Variants in MRPL35 observed in about 807,000 individuals in gnomAD.
MRPL35 encodes the protein large ribosomal subunit protein bL35m.
A neutral mutation model predicts 21.6 loss-of-function variants in MRPL35; 18 were observed. The observed-to-expected ratio is 0.83, with a 90% confidence interval of 0.58 to 1.24. The LOEUF is 1.24. Ranked by LOEUF, MRPL35 falls within the 50% of genes most tolerant of loss-of-function variation. The pLI, the probability that MRPL35 is intolerant of heterozygous loss-of-function variation, is 0.00. For missense variants in MRPL35, 223 were observed against 223.2 expected (o/e 1.00, Z 0.01); for synonymous variants, 87 against 86.9 (o/e 1.00, Z -0.01).
In MRPL35 at chr2:86,213,077, C is replaced by T; in HGVS notation, c.*2409C>T. 1 of 979,946 alleles carries T rather than the reference C, an allele frequency of 1.0e-6. No individual in the cohort carries two copies. Among genetic ancestry groups the T allele is most frequent in the Non-Finnish European group, 1.2e-6 (1 of 825,002 alleles). The allele number at this position is 979,946 out of a possible 1,614,324, so 60.7% of individuals were successfully genotyped here. A position where few individuals can be genotyped will look rare whatever the true frequency, so the allele number is the denominator to read the frequency against. On this transcript the variant is annotated 3_prime_UTR_variant, in exon 4 of 4. Coordinates refer to ENST00000337109, the MANE Select transcript of MRPL35 (RefSeq NM_016622.4). Reference sequence around the variant, plus strand: ...GCTGAGAGAGGGTTAAGTAAATTACCCAAAGTACAGCTAATAAGACCCAGA... The same window carrying T: ...GCTGAGAGAGGGTTAAGTAAATTACTCAAAGTACAGCTAATAAGACCCAGA...
chr2:86,200,290 A>T (rs1263443383), intron 1 of MRPL35, among the ~76,000 whole-genome samples: 1 of 152,106 alleles, frequency 6.6e-6, no homozygotes, highest in Non-Finnish European at 1.5e-5. Flanking sequence ...TTTTATGTGG[A>T]GTATTTTTTG....
Position 86,210,921 on chromosome 2 carries a change from T to C in MRPL35, c.*253T>C. ...TTGGCTTAACTAGTTGTTTCAGTTATGCTCTTTTAGTTGCAAGGAATCTCA... is the reference window on the plus strand; with the variant it reads ...TTGGCTTAACTAGTTGTTTCAGTTACGCTCTTTTAGTTGCAAGGAATCTCA... On this transcript the variant is annotated 3_prime_UTR_variant, in exon 4 of 4. Transcript: ENST00000337109. The C allele has an allele frequency of 7.2e-6, 8 of 1,113,310 alleles. No homozygotes were observed. The highest frequency in any genetic ancestry group is 7.7e-6 in the Non-Finnish European group (7 of 912,052). 69.0% of individuals were successfully genotyped at this position (1,113,310 alleles called of 1,614,324 possible). A position where few individuals can be genotyped will look rare whatever the true frequency, so the allele number is the denominator to read the frequency against.
Position 86,212,459 on chromosome 2 carries a change from T to C in MRPL35, c.*1791T>C. ...GCCAACCACTTAGAAGCCTTCCACA[T>C]CTTTGTCACCTGCCTGGCTCCTGCT... On this transcript the variant is annotated 3_prime_UTR_variant, in exon 4 of 4. Transcript: ENST00000337109. 1 of 1,613,696 alleles carries C rather than the reference T, an allele frequency of 6.2e-7. No homozygotes were observed. Among genetic ancestry groups the C allele is most frequent in the Non-Finnish European group, 8.5e-7 (1 of 1,179,814 alleles).
chr2:86,203,712 C>CTA (rs1432722689), intron 1 of MRPL35, among the ~76,000 whole-genome samples: 1 of 152,176 alleles, frequency 6.6e-6, no homozygotes, highest in East Asian at 1.9e-4. Flanking sequence ...CTTCCAAGCA[C>CTA]TATACATGCT....
Position 86,213,698 on chromosome 2 carries a change from A to G in MRPL35, c.*3030A>G. 2 of 1,544,450 alleles carry G rather than the reference A, an allele frequency of 1.3e-6. No individual in the cohort carries two copies. The highest frequency in any genetic ancestry group is 1.2e-5 in the South Asian group (1 of 83,818). On this transcript the variant is annotated 3_prime_UTR_variant, in exon 4 of 4. Coordinates refer to ENST00000337109, the MANE Select transcript of MRPL35 (RefSeq NM_016622.4). ...GATGGACCAAACGTCTGTTTGCACA[A>G]TTGAAACTCTACCAGTGGACTATTC...
intron 3 of MRPL35, among the ~76,000 whole-genome samples, chr2:86,207,554 A>G (rs913228061): frequency 6.6e-6 from 1 of 152,220 alleles, no homozygotes; most frequent in African/African-American, 2.4e-5. Flanking sequence ...TAATTGCTTG[A>G]ACCCGGGAGG....
intron 1 of MRPL35, among the ~76,000 whole-genome samples, chr2:86,202,199 G>C (rs1005834094): frequency 1.3e-5 from 2 of 152,184 alleles, no homozygotes; most frequent in Non-Finnish European, 2.9e-5. Flanking sequence ...CCCATGAACT[G>C]CTCTCAACCA....
At chr2:86,199,645 G>GT (rs1673647126) in intron 1 of MRPL35, 112 bp downstream of exon 1, 1 of 1,350,000 alleles carries the variant, frequency 7.4e-7, no homozygotes, top group Non-Finnish European at 1.0e-6. Context: ...CATTATTTAA[G>GT]TTAAGAAGGT....
At chr2:86,204,531 A>T (rs1313470424) in intron 1 of MRPL35, among the ~76,000 whole-genome samples, 1 of 151,744 alleles carries the variant, frequency 6.6e-6, no homozygotes, top group Non-Finnish European at 1.5e-5. Context: ...TTGAGTCCCA[A>T]ACTGGACTTC....
In MRPL35 at chr2:86,212,956, G is replaced by T; in HGVS notation, c.*2288G>T. 1.4e-6 allele frequency: 1 copy of T among 689,844 alleles called. No homozygotes were observed. The allele number at this position is 689,844 out of a possible 1,614,324, so 42.7% of individuals were successfully genotyped here. On this transcript the variant is annotated 3_prime_UTR_variant, in exon 4 of 4. Transcript: ENST00000337109. ...ATGTCCCAGCATATCTACAAAACTGGGTACATACATACTGTCTAACTGCTA... is the reference window on the plus strand; with the variant it reads ...ATGTCCCAGCATATCTACAAAACTGTGTACATACATACTGTCTAACTGCTA...
Position 86,211,042 on chromosome 2 carries a change from T to G in MRPL35, c.*374T>G. The stretch of plus-strand genomic sequence containing the variant: ...TGTGCCAGGGAATTCAGGAACCACC[T>G]CACCAACCCCATCTCCCACTCAGAA... On this transcript the variant is annotated 3_prime_UTR_variant, in exon 4 of 4. Transcript: ENST00000337109. 1 of 989,212 alleles carries G rather than the reference T, an allele frequency of 1.0e-6. No individual in the cohort carries two copies. Among genetic ancestry groups the G allele is most frequent in the South Asian group, 4.6e-5 (1 of 21,570 alleles). 61.3% of individuals were successfully genotyped at this position (989,212 alleles called of 1,614,324 possible). A position where few individuals can be genotyped will look rare whatever the true frequency, so the allele number is the denominator to read the frequency against.
At chr2:86,207,080 C>G in intron 2 of MRPL35, 103 bp from the exon 3 acceptor site, 1 of 1,162,158 alleles carries the variant, frequency 8.6e-7, no homozygotes, top group South Asian at 1.5e-5. Context: ...AAAGTTAGTT[C>G]CAGTCCATTG....
At chr2:86,201,115 T>C (rs1422281124) in intron 1 of MRPL35, among the ~76,000 whole-genome samples, 2 of 152,212 alleles carry the variant, frequency 1.3e-5, no homozygotes, top group Non-Finnish European at 2.9e-5. Context: ...AATTGCCTGG[T>C]CAGAGAATAT....
At position 86,199,516 on chromosome 2, in the gene MRPL35, C is replaced by T. The variant is rs1055225274; in HGVS notation, c.26C>T (p.Ala9Val). The T allele has an allele frequency of 6.2e-7, 1 of 1,614,036 alleles. No individual in the cohort carries two copies. Among genetic ancestry groups the T allele is most frequent in the Non-Finnish European group, 8.5e-7 (1 of 1,180,032 alleles). ...ATGGCTGCCTCTGCCTTTGCTGGTG[C>T]AGTGAGAGCAGCTTCAGGTCAGTGG... is the stretch of plus-strand genomic sequence containing the variant. Reference protein sequence around the residue: MAASAFAGAVRAASGILRP... With the variant: MAASAFAGVVRAASGILRP... The change falls in exon 1 of 4, where the codon GCA becomes GTA. Residue 9 changes from alanine to valine, a missense_variant. Transcript: ENST00000337109.
chr2:86,207,902 A>G (rs1006288816), intron 3 of MRPL35, among the ~76,000 whole-genome samples: 5 of 152,222 alleles, frequency 3.3e-5, no homozygotes, highest in Admixed American at 6.5e-5. Context: ...GCAAGACTTC[A>G]TCTCAAAAAA....
Position 86,199,528 on chromosome 2 carries a change from C to G in MRPL35, c.38C>G (p.Ala13Gly), listed in dbSNP as rs529104371. Residue 13 changes from alanine (A) to glycine (G), a missense_variant, in exon 1 of 4, where the codon GCT becomes GGT. Physicochemically the swap from Ala to Gly is moderately conservative, Grantham distance 60. Transcript: ENST00000337109. ...GCCTTTGCTGGTGCAGTGAGAGCAG[C>G]TTCAGGTCAGTGGAGAGCGACATAC... ...ASAFAGAVRA[A>G]SGILRPLNIL... The G allele has an allele frequency of 6.2e-7, 1 of 1,614,074 alleles. No homozygotes were observed. Among genetic ancestry groups the G allele is most frequent in the Non-Finnish European group, 8.5e-7 (1 of 1,180,056 alleles).
At position 86,199,509 on chromosome 2, in the gene MRPL35, G is replaced by C; in HGVS notation, c.19G>C (p.Ala7Pro). The change falls in exon 1 of 4, where the codon GCT becomes CCT. Residue 7 changes from alanine to proline, a missense_variant. Physicochemically the swap from Ala to Pro is conservative, Grantham distance 27 (BLOSUM62 -1). Coordinates refer to ENST00000337109, the MANE Select transcript of MRPL35 (RefSeq NM_016622.4). MAASAFAGAVRAASGIL... is the reference protein window; with the variant it reads MAASAFPGAVRAASGIL... The stretch of plus-strand genomic sequence containing the variant: ...GGTGAAGATGGCTGCCTCTGCCTTT[G>C]CTGGTGCAGTGAGAGCAGCTTCAGG... The C allele has an allele frequency of 6.2e-7, 1 of 1,614,202 alleles. No homozygotes were observed. Among genetic ancestry groups the C allele is most frequent in the Non-Finnish European group, 8.5e-7 (1 of 1,180,040 alleles).
chr2:86,212,645 G>C lies in MRPL35; in HGVS notation c.*1977G>C. Reference sequence around the variant, plus strand: ...CACCTTCGTTTCTCCTCTAGACCAGGGACAGGTGTAGAGATAAGGACTGGC... The same window carrying C: ...CACCTTCGTTTCTCCTCTAGACCAGCGACAGGTGTAGAGATAAGGACTGGC... On this transcript the variant is annotated 3_prime_UTR_variant, in exon 4 of 4. Transcript: ENST00000337109. The C allele has an allele frequency of 7.4e-7, 1 of 1,359,838 alleles. No homozygotes were observed. Among genetic ancestry groups the C allele is most frequent in the South Asian group, 1.9e-5 (1 of 53,922 alleles). 84.2% of individuals were successfully genotyped at this position (1,359,838 alleles called of 1,614,324 possible).
chr2:86,210,290 C>G (rs1673874983), intron 3 of MRPL35, among the ~76,000 whole-genome samples, 190 bp from the exon 4 acceptor site: 1 of 151,704 alleles, frequency 6.6e-6, no homozygotes, highest in African/African-American at 2.4e-5. Context: ...ACTACACATG[C>G]TTTCTCCATC....
Sources: gnomAD v4.1 joint callset for allele counts (sites outside exome capture counted in the v4.1 genomes callset) on GRCh38, gnomAD v4.1.1 for gene constraint, MANE v1.5 for transcripts, NCBI Gene and HGNC (gene_info 2026-07-23, HGNC 2026-07-21) for gene names.